Variants in CAMKMT observed in about 807,000 individuals in gnomAD.
CAMKMT encodes the protein CaM KMT.
A neutral mutation model predicts 48.0 loss-of-function variants in CAMKMT; 53 were observed. The observed-to-expected ratio is 1.10, with a 90% CI of 0.89 to 1.39. The LOEUF is 1.39. CAMKMT is among the 40% of genes most tolerant of loss of function. CAMKMT has a pLI of 0.00. For synonymous variants in CAMKMT, 165 were observed against 152.3 expected (o/e 1.08, Z -0.61); for missense variants, 428 against 402.7 (o/e 1.06, Z -0.54).
chr2:44,564,520 G>A (rs4953105), intron 3 of CAMKMT, among the ~76,000 whole-genome samples: 95,688 of 151,758 alleles, frequency 0.63, 30,617 homozygotes, highest in Middle Eastern at 0.71. Context: ...GCTATTATTT[G>A]CCAAGCTGAT....
chr2:44,465,357 G>A (rs1450746766), intron 3 of CAMKMT, among the ~76,000 whole-genome samples: 1 of 152,186 alleles, frequency 6.6e-6, no homozygotes, highest in Non-Finnish European at 1.5e-5. Context: ...CAGCACTTTG[G>A]TAGGCCAAGG....
chr2:44,578,315 A>G (rs780941240), intron 3 of CAMKMT, among the ~76,000 whole-genome samples: 6 of 152,250 alleles, frequency 3.9e-5, no homozygotes, highest in East Asian at 1.9e-4. Context: ...ATAATTTCAT[A>G]TGGAAATAAT....
At chr2:44,540,861 G>C (rs1161193251) in intron 3 of CAMKMT, among the ~76,000 whole-genome samples, 1 of 152,230 alleles carries the variant, frequency 6.6e-6, no homozygotes, top group Non-Finnish European at 1.5e-5. Flanking sequence ...TATATATGTG[G>C]ATCTGTGATC....
At chr2:44,495,005 C>T (rs951738071) in intron 3 of CAMKMT, among the ~76,000 whole-genome samples, 2 of 152,126 alleles carry the variant, frequency 1.3e-5, no homozygotes, top group African/African-American at 2.4e-5. Context: ...GTTGAATGAA[C>T]GTGAGATGTA....
intron 3 of CAMKMT, among the ~76,000 whole-genome samples, chr2:44,552,815 ATTTAC>A (rs531111186): frequency 8.5e-4 from 129 of 152,246 alleles, no homozygotes; most frequent in Middle Eastern, 3.4e-3. Flanking sequence ...CCATTGGGCT[ATTTAC>A]TTTATTTATT....
intron 3 of CAMKMT, among the ~76,000 whole-genome samples, chr2:44,546,202 CAT>C (rs1553412627): frequency 1.7e-4 from 23 of 139,010 alleles, no homozygotes; most frequent in Non-Finnish European, 1.9e-4. Flanking sequence ...CACACACACA[CAT>C]ACATGCACAT....
rs546064589 is a variant in CAMKMT, at chr2:44,378,102, A to C, written c.311+5214A>C. On this transcript the variant is annotated intron_variant, in intron 2 of 10. Transcript: ENST00000378494. Reference sequence around the variant, plus strand: ...AGTAGTGATATTAACAACAGAGGTGATTATAGCAATAAAACAACGTTTTTT... The same window carrying C: ...AGTAGTGATATTAACAACAGAGGTGCTTATAGCAATAAAACAACGTTTTTT... 2.0e-5 allele frequency among the ~76,000 whole-genome samples: 3 copies of C among 152,350 alleles called. No homozygotes were observed. In the South Asian group the frequency reaches 6.2e-4, roughly 32 times the overall value.
chr2:44,702,865 A>G (rs1434538333), intron 3 of CAMKMT, among the ~76,000 whole-genome samples: 1 of 152,188 alleles, frequency 6.6e-6, no homozygotes, highest in African/African-American at 2.4e-5. Flanking sequence ...TTAGGAGTTT[A>G]CTTAACATTT....
chr2:44,695,790 A>C (rs992549902), intron 3 of CAMKMT, among the ~76,000 whole-genome samples: 1 of 152,014 alleles, frequency 6.6e-6, no homozygotes, highest in Non-Finnish European at 1.5e-5. Context: ...AATCAACCCA[A>C]TTTAAACTTC....
chr2:44,595,317 A>G (rs969051912), intron 3 of CAMKMT, among the ~76,000 whole-genome samples: 3 of 152,186 alleles, frequency 2.0e-5, no homozygotes, highest in Non-Finnish European at 4.4e-5. Context: ...TACCCAAAGG[A>G]TTATAAATGA....
At chr2:44,444,818 A>G (rs770180301) in intron 3 of CAMKMT, among the ~76,000 whole-genome samples, 1 of 152,230 alleles carries the variant, frequency 6.6e-6, no homozygotes, top group Non-Finnish European at 1.5e-5. Flanking sequence ...CTTAGCAAGC[A>G]TAACTATAGC....
chr2:44,687,570 A>G (rs114919706), intron 3 of CAMKMT, among the ~76,000 whole-genome samples: 2,893 of 152,308 alleles, frequency 0.019, 46 homozygotes, highest in African/African-American at 0.042. Context: ...TATCATTGCT[A>G]TCATTCAGCC....
chr2:44,420,515 C>A (rs887158033), intron 3 of CAMKMT, among the ~76,000 whole-genome samples: 2 of 151,934 alleles, frequency 1.3e-5, no homozygotes, highest in East Asian at 1.9e-4. Flanking sequence ...GATGAAAATC[C>A]ATGTATATGT....
chr2:44,534,099 T>G (rs952753798), intron 3 of CAMKMT, among the ~76,000 whole-genome samples: 2 of 152,020 alleles, frequency 1.3e-5, no homozygotes, highest in Non-Finnish European at 2.9e-5. Context: ...AAAACAGACT[T>G]TAAGTCAAAA....
Position 44,715,307 on chromosome 2 carries a change from A to G in CAMKMT, c.577A>G (p.Arg193Gly), listed in dbSNP as rs1164954039. The G allele has an allele frequency of 8.7e-6, 14 of 1,613,468 alleles. No homozygotes were observed. Among genetic ancestry groups the G allele is most frequent in the Non-Finnish European group, 1.2e-5 (14 of 1,179,580 alleles). Residue 193 changes from arginine (R) to glycine (G), a missense_variant, in exon 7 of 11, where the codon AGG (arginine) becomes GGG (glycine). Transcript: ENST00000378494. The stretch of plus-strand genomic sequence containing the variant: ...TGTAGATGTGCAAGACATCATCACA[A>G]GGAATCAGAAGGCTGGTGTGTTTAA... ...AIRNVQDIITRNQKAGVFKTQ... is the reference protein window; with the variant it reads ...AIRNVQDIITGNQKAGVFKTQ...
chr2:44,458,514 A>T (rs983836936), intron 3 of CAMKMT, among the ~76,000 whole-genome samples: 1 of 152,224 alleles, frequency 6.6e-6, no homozygotes, highest in Non-Finnish European at 1.5e-5. Context: ...TTTATTCGCC[A>T]TTCTGCCAGT....
intron 3 of CAMKMT, among the ~76,000 whole-genome samples, chr2:44,684,410 C>G (rs1159755752): frequency 6.6e-6 from 1 of 151,842 alleles, no homozygotes; most frequent in African/African-American, 2.4e-5. Flanking sequence ...AAACCTTTCT[C>G]GAGGAGTTGT....
intron 3 of CAMKMT, among the ~76,000 whole-genome samples, chr2:44,585,584 A>C (rs1669812479): frequency 6.6e-6 from 1 of 152,202 alleles, no homozygotes; most frequent in African/African-American, 2.4e-5. Context: ...TTGAAAATAA[A>C]CTCATATGTT....
chr2:44,718,351 T>C (rs545643495), intron 7 of CAMKMT, among the ~76,000 whole-genome samples: 1 of 152,350 alleles, frequency 6.6e-6, no homozygotes, highest in Admixed American at 6.5e-5. Flanking sequence ...TCCACATATA[T>C]GAAGAATTAT....
Sources: gnomAD v4.1 joint callset for allele counts (sites outside exome capture counted in the v4.1 genomes callset) on GRCh38, gnomAD v4.1.1 for gene constraint, MANE v1.5 for transcripts, NCBI Gene and HGNC (gene_info 2026-07-23, HGNC 2026-07-21) for gene names.